The following ATXN2L variants were observed in gnomAD, a reference collection of about 807,000 sequenced individuals.
ATXN2L encodes ataxin 2 like.
A neutral mutation model predicts 120.7 loss-of-function variants in ATXN2L; 24 were observed. That is an observed-to-expected ratio of 0.20 (90% confidence interval 0.14 to 0.28). The LOEUF (loss-of-function observed/expected upper bound fraction) is 0.28. Among genes scored for constraint, ATXN2L ranks in the 10% least tolerant of loss-of-function variants. The pLI, the probability that ATXN2L is intolerant of heterozygous loss-of-function variation, is 1.00. For synonymous variants in ATXN2L, 653 were observed against 568.1 expected, an observed-to-expected ratio of 1.15 and a Z score of -2.13; for missense variants, 1,312 against 1,432.3, an observed-to-expected ratio of 0.92 and a Z score of 1.36.
chr16:28,826,419 T>G, intron 5 of ATXN2L, 29 bp downstream of exon 5: 1 of 1,609,498 alleles, frequency 6.2e-7, no homozygotes, highest in African/African-American at 1.3e-5. Flanking sequence ...ACCTCAGACC[T>G]GCTCTGTGTG....
rs1286819320 is a variant in ATXN2L, at chr16:28,836,396, T to A, written c.*131T>A. 1.2e-6 allele frequency: 2 copies of A among 1,613,236 alleles called. No individual in the cohort carries two copies. Among genetic ancestry groups the A allele is most frequent in the Admixed American group, 1.7e-5 (1 of 59,956 alleles). On this transcript the variant is annotated 3_prime_UTR_variant, in exon 22 of 22. Coordinates refer to ENST00000336783, the MANE Select transcript of ATXN2L (RefSeq NM_007245.4). ...CTCCTGGCTCTGTCCTTTGCTTCCC[T>A]CCGTCCTCGCTCAGTTGTGATCCAG... is the stretch of plus-strand genomic sequence containing the variant.
intron 18 of ATXN2L, 143 bp downstream of exon 18, chr16:28,834,836 T>C (rs534129934): frequency 3.3e-6 from 4 of 1,213,190 alleles, no homozygotes; most frequent in African/African-American, 1.5e-5. Flanking sequence ...GTGTCAGACT[T>C]GGGCTTGAGC....
chr16:28,834,039 A>G (rs769131754), intron 15 of ATXN2L, 26 bp from the exon 16 acceptor site: 1 of 1,607,564 alleles, frequency 6.2e-7, no homozygotes, highest in East Asian at 2.2e-5. Flanking sequence ...AATACAAAAT[A>G]AAATTGTCCT....
Position 28,834,701 on chromosome 16 carries a change from C to T in ATXN2L, c.2433+8C>T, listed in dbSNP as rs771143194. The stretch of plus-strand genomic sequence containing the variant: ...GCCCACTACCCCTCACAGGTGACTG[C>T]GGCCCAGGAGGGCAGTGAGGATCCA... On this transcript the variant is annotated splice_region_variant and intron_variant, in intron 18 of 21. Coordinates refer to ENST00000336783, the MANE Select transcript of ATXN2L (RefSeq NM_007245.4). 1.6e-5 allele frequency: 26 copies of T among 1,603,738 alleles called. No individual in the cohort carries two copies. Among genetic ancestry groups the T allele is most frequent in the African/African-American group, 1.1e-4 (8 of 74,834 alleles).
At chr16:28,823,638 C>G (rs1230593229) in intron 1 of ATXN2L, 80 bp downstream of exon 1, 1 of 1,230,120 alleles carries the variant, frequency 8.1e-7, no homozygotes, top group African/African-American at 1.6e-5. Flanking sequence ...GGACCCCGAC[C>G]CGGCACCGTC....
Position 28,834,329 on chromosome 16 carries a change from G to A in ATXN2L, c.2173-14G>A. On this transcript the variant is annotated splice_polypyrimidine_tract_variant and intron_variant, in intron 16 of 21. Transcript: ENST00000336783. ...GAGCGAGTCATTCAGCCTCATCTGT[G>A]TCCTCATCCCCAGGCACCTCAGATG... 1 of 1,613,510 alleles carries A rather than the reference G, an allele frequency of 6.2e-7. No homozygotes were observed.
In ATXN2L at chr16:28,829,335, T is replaced by C. The variant is rs555927835; in HGVS notation, c.742-66T>C. 8 of 1,119,024 alleles carry C rather than the reference T, an allele frequency of 7.1e-6. No individual in the cohort carries two copies. In the South Asian group the frequency reaches 9.9e-5, roughly 14 times the overall value. 69.3% of individuals were successfully genotyped at this position (1,119,024 alleles called of 1,614,324 possible). A position where few individuals can be genotyped will look rare whatever the true frequency, so the allele number is the denominator to read the frequency against. On this transcript the variant is annotated intron_variant, in intron 6 of 21. Coordinates refer to ENST00000336783, the MANE Select transcript of ATXN2L (RefSeq NM_007245.4). ...TCACATCTTGGAGTTTTTAACCTGA[T>C]GGAAGGGAAGTGACTTGTCGTTGCT...
At chr16:28,826,589 A>G (rs2052104876) in intron 5 of ATXN2L, 199 bp downstream of exon 5, 1 of 602,654 alleles carries the variant, frequency 1.7e-6, no homozygotes, top group Non-Finnish European at 2.8e-6. Context: ...TCTAATATAT[A>G]ATGCGATGAA....
rs183708639 is a variant in ATXN2L, at chr16:28,825,453, T to A, written c.336+51T>A. 4 of 1,597,352 alleles carry A rather than the reference T, an allele frequency of 2.5e-6. No homozygotes were observed. The African/African-American group carries it at 5.4e-5, about 21-fold the overall frequency. ...AAGATACATAGACCTAAAAGATGCA[T>A]AATGTGGGAATATAGGGCACATTAG... On this transcript the variant is annotated intron_variant, in intron 2 of 21. Coordinates refer to ENST00000336783, the MANE Select transcript of ATXN2L (RefSeq NM_007245.4).
chr16:28,823,889 A>G (rs1370056549), intron 1 of ATXN2L: 7 of 283,944 alleles, frequency 2.5e-5, no homozygotes, highest in African/African-American at 4.4e-5. Flanking sequence ...CCCCGGTTCC[A>G]TTACCACGAA....
Position 28,831,092 on chromosome 16 carries a change from G to A in ATXN2L, c.1321+20G>A. The A allele has an allele frequency of 6.6e-7, 1 of 1,512,254 alleles. No homozygotes were observed. The highest frequency in any genetic ancestry group is 1.4e-5 in the African/African-American group (1 of 72,218). The allele number at this position is 1,512,254 out of a possible 1,614,324, so 93.7% of individuals were successfully genotyped here. A position where few individuals can be genotyped will look rare whatever the true frequency, so the allele number is the denominator to read the frequency against. On this transcript the variant is annotated intron_variant, in intron 10 of 21. Coordinates refer to ENST00000336783, the MANE Select transcript of ATXN2L (RefSeq NM_007245.4). ...CTGCAGGTAAAGCTTTAGTAGTGTT[G>A]GATGAAGAAATGGATGGAAATTTGT...
At chr16:28,826,782 C>A in intron 5 of ATXN2L, 80 bp from the exon 6 acceptor site, 1 of 1,447,242 alleles carries the variant, frequency 6.9e-7, no homozygotes, top group Non-Finnish European at 9.2e-7. Flanking sequence ...GAACTACTTA[C>A]GGAGAGTGGG....
In ATXN2L at chr16:28,831,096, G is replaced by A. The variant is rs749814513; in HGVS notation, c.1321+24G>A. 2.5e-5 allele frequency: 37 copies of A among 1,472,590 alleles called. No homozygotes were observed. The South Asian group carries it at 4.0e-4, about 16-fold the overall frequency. The allele number at this position is 1,472,590 out of a possible 1,614,324, so 91.2% of individuals were successfully genotyped here. On this transcript the variant is annotated intron_variant, in intron 10 of 21. Coordinates refer to ENST00000336783, the MANE Select transcript of ATXN2L (RefSeq NM_007245.4). ...AGGTAAAGCTTTAGTAGTGTTGGAT[G>A]AAGAAATGGATGGAAATTTGTAAAG...
chr16:28,831,549 C>G (rs1043000037), intron 10 of ATXN2L, among the ~76,000 whole-genome samples: 2 of 152,038 alleles, frequency 1.3e-5, no homozygotes, highest in Non-Finnish European at 2.9e-5. Flanking sequence ...AGGCTGATCT[C>G]GAACTCCTGA....
intron 10 of ATXN2L, 92 bp from the exon 11 acceptor site, chr16:28,832,113 T>C (rs978247254): frequency 2.9e-6 from 4 of 1,362,936 alleles, no homozygotes; most frequent in Non-Finnish European, 4.1e-6. Context: ...GGTTGTATAG[T>C]GTGTAAACTT....
chr16:28,831,103 T>G (rs759814662), intron 10 of ATXN2L, 31 bp downstream of exon 10: 1 of 1,433,356 alleles, frequency 7.0e-7, no homozygotes, highest in South Asian at 1.2e-5. Flanking sequence ...GATGAAGAAA[T>G]GGATGGAAAT....
rs371168772 is a variant in ATXN2L, at chr16:28,834,499, C to G, written c.2246-7C>G. 6.2e-7 allele frequency: 1 copy of G among 1,612,368 alleles called. No homozygotes were observed. Among genetic ancestry groups the G allele is most frequent in the Non-Finnish European group, 8.5e-7 (1 of 1,179,602 alleles). On this transcript the variant is annotated splice_region_variant and splice_polypyrimidine_tract_variant and intron_variant, in intron 17 of 21. Transcript: ENST00000336783. Reference sequence around the variant, plus strand: ...GCTTGAGCTCTCCTCTCCTCCTCCTCTTCCAGGCTCCCTTCCTCCGCAGCG... The same window carrying G: ...GCTTGAGCTCTCCTCTCCTCCTCCTGTTCCAGGCTCCCTTCCTCCGCAGCG...
rs995712665 is a variant in ATXN2L at position 28,835,874 on chromosome 16, C to T, written c.2896-59C>T. The stretch of plus-strand genomic sequence containing the variant: ...TTGCCATAGTGCTCCCTAACTCTGG[C>T]TCTCAGAGTCTGTTTCAGGATTCTG... On this transcript the variant is annotated intron_variant, in intron 21 of 21. Transcript: ENST00000336783. The T allele has an allele frequency of 1.5e-5, 24 of 1,566,464 alleles. No individual in the cohort carries two copies. In the African/African-American group the frequency reaches 2.7e-4, roughly 18 times the overall value.
At chr16:28,829,338 A>G in intron 6 of ATXN2L, 63 bp from the exon 7 acceptor site, 1 of 1,137,384 alleles carries the variant, frequency 8.8e-7, no homozygotes. Context: ...AACCTGATGG[A>G]AGGGAAGTGA....
Sources: allele counts gnomAD v4.1 joint callset (sites outside exome capture counted in the v4.1 genomes callset), GRCh38; gene constraint gnomAD v4.1.1; transcripts MANE v1.5; gene names NCBI Gene and HGNC (gene_info 2026-07-23, HGNC 2026-07-21).